LARGE1: variants seen among roughly 807,000 people sequenced by gnomAD.
LARGE1 encodes the protein LARGE xylosyl- and glucuronyltransferase 1, also known as xylosyl- and glucuronyltransferase LARGE1.
A neutral mutation model predicts 87.6 loss-of-function variants in LARGE1; 43 were observed. The ratio of observed to expected loss-of-function variants is 0.49; its 90% CI spans 0.38 to 0.63. LARGE1 has a LOEUF of 0.63. Among genes scored for constraint, LARGE1 ranks in the 30% least tolerant of loss-of-function variants. LARGE1 has a pLI of 0.00. For missense variants in LARGE1, 802 were observed against 1,000.2 expected, an observed-to-expected ratio of 0.80 and a Z score of 2.67; for synonymous variants, 434 against 394.6, an observed-to-expected ratio of 1.10 and a Z score of -1.18.
intron 11 of LARGE1, among the ~76,000 whole-genome samples, chr22:33,258,149 G>A (rs1364829833): frequency 6.6e-6 from 1 of 152,124 alleles, no homozygotes; most frequent in Non-Finnish European, 1.5e-5. Flanking sequence ...CCCTGCCTCA[G>A]CCTCCCAAGT....
At chr22:33,757,219 C>A (rs971632065) in intron 2 of LARGE1, among the ~76,000 whole-genome samples, 3 of 152,294 alleles carry the variant, frequency 2.0e-5, no homozygotes, top group Admixed American at 6.5e-5. Flanking sequence ...TACAGGGAGA[C>A]AATGCCTGCC....
intron 1 of LARGE1, among the ~76,000 whole-genome samples, chr22:33,838,313 C>T (rs17808940): frequency 0.056 from 8,572 of 152,232 alleles, 334 homozygotes; most frequent in Middle Eastern, 0.092. Flanking sequence ...TCTTCAGTGA[C>T]TCATACAGCC....
rs373853920 is a variant in LARGE1, at chr22:33,634,281, C to T, written c.409-7955G>A. 3.9e-5 allele frequency among the ~76,000 whole-genome samples: 6 copies of T among 152,208 alleles called. No individual in the cohort carries two copies. The East Asian group carries it at 9.7e-4, about 25-fold the overall frequency. ...TGGAGGGGCTTGTTACAACAGAGTG[C>T]GGACTCCTCCCCAGTTTCTGATCCA... On this transcript the variant is annotated intron_variant, in intron 3 of 14. Coordinates refer to ENST00000397394, the MANE Select transcript of LARGE1 (RefSeq NM_133642.5).
chr22:33,759,336 T>C (rs1404220138), intron 2 of LARGE1, among the ~76,000 whole-genome samples: 1 of 152,192 alleles, frequency 6.6e-6, no homozygotes, highest in Admixed American at 6.5e-5. Flanking sequence ...CAAAGTTCAA[T>C]CACTCATTGA....
Position 33,273,108 on chromosome 22 carries a change from A to T in LARGE1, c.*1319T>A. Reference sequence around the variant, plus strand: ...GAAACAGTCTGTACTTTCATTTATTAAATGCAGCTTTCGCTGGTCACATTG... The same window carrying T: ...GAAACAGTCTGTACTTTCATTTATTTAATGCAGCTTTCGCTGGTCACATTG... On this transcript the variant is annotated 3_prime_UTR_variant, in exon 15 of 15. Transcript: ENST00000397394. The T allele has an allele frequency of 3.5e-6, 1 of 284,346 alleles. No individual in the cohort carries two copies. Among genetic ancestry groups the T allele is most frequent in the Non-Finnish European group, 6.5e-6 (1 of 154,386 alleles). The allele number at this position is 284,346 out of a possible 1,614,324, so 17.6% of individuals were successfully genotyped here. A position where few individuals can be genotyped will look rare whatever the true frequency, so the allele number is the denominator to read the frequency against.
At chr22:33,413,208 C>G (rs1008750991) in intron 7 of LARGE1, among the ~76,000 whole-genome samples, 1 of 152,122 alleles carries the variant, frequency 6.6e-6, no homozygotes, top group Non-Finnish European at 1.5e-5. Context: ...TCACTAGTAA[C>G]TGGCAATGTC....
chr22:33,363,543 A>T (rs2064464141), intron 9 of LARGE1, among the ~76,000 whole-genome samples: 1 of 149,554 alleles, frequency 6.7e-6, no homozygotes, highest in Non-Finnish European at 1.5e-5. Flanking sequence ...CTCCCACAAC[A>T]CATGGGGATT....
intron 1 of LARGE1, among the ~76,000 whole-genome samples, chr22:33,770,869 T>C (rs1033758615): frequency 2.0e-5 from 3 of 152,174 alleles, no homozygotes; most frequent in Non-Finnish European, 4.4e-5. Flanking sequence ...TCTTGATAAC[T>C]GTAATCTCCG....
intron 7 of LARGE1, among the ~76,000 whole-genome samples, chr22:33,406,589 G>A (rs2066108958): frequency 6.6e-6 from 1 of 152,102 alleles, no homozygotes; most frequent in African/African-American, 2.4e-5. Flanking sequence ...ATCTCATTCA[G>A]TCTTCGAGAC....
intron 2 of LARGE1, among the ~76,000 whole-genome samples, chr22:33,666,301 C>T (rs1603055343): frequency 1.3e-5 from 2 of 152,316 alleles, no homozygotes; most frequent in African/African-American, 4.8e-5. Flanking sequence ...TATTATTACA[C>T]TCAGAGGGCA....
chr22:33,387,110 CA>C, intron 7 of LARGE1, among the ~76,000 whole-genome samples: 1 of 117,918 alleles, frequency 8.5e-6, no homozygotes, highest in South Asian at 3.0e-4. Context: ...TCTCAAAAAA[CA>C]AAAAACAAAA....
rs534709964 is a variant in LARGE1, at chr22:33,601,530, G to A, written c.615+2905C>T. 1.2e-4 allele frequency among the ~76,000 whole-genome samples: 19 copies of A among 152,246 alleles called. No homozygotes were observed. In the South Asian group the frequency reaches 3.7e-3, roughly 30 times the overall value. Reference sequence around the variant, plus strand: ...GACTAATAGATCATGGAGTCAGACAGGCCTGGGTTTTCATCCTGGCTTTGT... The same window carrying A: ...GACTAATAGATCATGGAGTCAGACAAGCCTGGGTTTTCATCCTGGCTTTGT... On this transcript the variant is annotated intron_variant, in intron 5 of 14. Coordinates refer to ENST00000397394, the MANE Select transcript of LARGE1 (RefSeq NM_133642.5).
chr22:33,521,358 T>A (rs12628777), intron 6 of LARGE1, among the ~76,000 whole-genome samples: 5,098 of 152,342 alleles, frequency 0.033, 104 homozygotes, highest in South Asian at 0.078. Context: ...CTGGGCTGGC[T>A]ACTATAGGGT....
chr22:33,211,043 C>T (rs1225565911), intron 11 of LARGE1, among the ~76,000 whole-genome samples: 1 of 152,188 alleles, frequency 6.6e-6, no homozygotes, highest in Non-Finnish European at 1.5e-5. Context: ...ACAGCACGTG[C>T]TCACTTTGTG....
intron 12 of LARGE1, among the ~76,000 whole-genome samples, chr22:33,286,013 A>G (rs760477312): frequency 2.0e-5 from 3 of 152,198 alleles, no homozygotes; most frequent in Non-Finnish European, 4.4e-5. Context: ...ACTCTTTACC[A>G]TAGTGCTCAT....
At chr22:33,729,566 T>A (rs1473664156) in intron 2 of LARGE1, among the ~76,000 whole-genome samples, 1 of 152,236 alleles carries the variant, frequency 6.6e-6, no homozygotes, top group Non-Finnish European at 1.5e-5. Context: ...GACTCTGGTC[T>A]GCTTCAAAGT....
chr22:33,371,836 T>G (rs1249923361), intron 9 of LARGE1, among the ~76,000 whole-genome samples: 1 of 151,968 alleles, frequency 6.6e-6, no homozygotes, highest in Non-Finnish European at 1.5e-5. Context: ...TACAAAAAAT[T>G]AGCCGGGCAT....
intron 1 of LARGE1, among the ~76,000 whole-genome samples, chr22:33,802,699 T>C (rs1177930673): frequency 6.6e-6 from 1 of 152,210 alleles, no homozygotes; most frequent in African/African-American, 2.4e-5. Flanking sequence ...ATTGGGCATG[T>C]GTACCTGTGT....
At chr22:33,851,880 C>A (rs1282584737) in intron 1 of LARGE1, among the ~76,000 whole-genome samples, 1 of 152,182 alleles carries the variant, frequency 6.6e-6, no homozygotes, top group African/African-American at 2.4e-5. Context: ...AAGAAACATT[C>A]GTGTGAGCTG....
Sources: gnomAD v4.1 joint callset for allele counts (sites outside exome capture counted in the v4.1 genomes callset) on GRCh38, gnomAD v4.1.1 for gene constraint, MANE v1.5 for transcripts, NCBI Gene and HGNC (gene_info 2026-07-23, HGNC 2026-07-21) for gene names.